Variants in SEC24B observed in about 807,000 individuals in gnomAD.
SEC24B encodes SEC24 homolog B, COPII component.
A neutral mutation model predicts 142.8 loss-of-function variants in SEC24B; 45 were observed. The ratio of observed to expected loss-of-function variants is 0.32; its 90% CI spans 0.25 to 0.40. The LOEUF (loss-of-function observed/expected upper bound fraction) is 0.40, where lower values mean the gene tolerates loss of function less well. Among genes scored for constraint, SEC24B ranks in the 10% least tolerant of loss-of-function variants. The pLI is 1.00. For synonymous variants in SEC24B, 574 were observed against 568.2 expected (o/e 1.01, Z -0.15); for missense variants, 1,409 against 1,526.8 (o/e 0.92, Z 1.29).
rs528655150 is a variant in SEC24B at position 109,448,098 on chromosome 4, G to A, written c.133+14096G>A. Among the ~76,000 whole-genome samples, 5 of 152,240 alleles carry A rather than the reference G, an allele frequency of 3.3e-5. No homozygotes were observed. In the South Asian group the frequency reaches 6.2e-4, roughly 19 times the overall value. On this transcript the variant is annotated intron_variant, in intron 1 of 23. Coordinates refer to ENST00000265175, the MANE Select transcript of SEC24B (RefSeq NM_006323.5). Reference sequence around the variant, plus strand: ...TTGTGATTATATTGGTCTCACCTGGGTAATCAAGAATCTATTTTAAGGTCA... The same window carrying A: ...TTGTGATTATATTGGTCTCACCTGGATAATCAAGAATCTATTTTAAGGTCA...
chr4:109,497,697 T>G (rs533190165), intron 6 of SEC24B, among the ~76,000 whole-genome samples: 1 of 152,314 alleles, frequency 6.6e-6, no homozygotes, highest in Non-Finnish European at 1.5e-5. Context: ...TAGACCAGTT[T>G]GTTTATTTGT....
intron 1 of SEC24B, among the ~76,000 whole-genome samples, chr4:109,457,126 A>T (rs1509315): frequency 0.17 from 26,586 of 152,206 alleles, 2,625 homozygotes; most frequent in African/African-American, 0.27. Context: ...ATTTTCCCCA[A>T]AGAGTTTCTG....
At chr4:109,495,259 C>T (rs1382563941) in intron 6 of SEC24B, among the ~76,000 whole-genome samples, 1 of 152,016 alleles carries the variant, frequency 6.6e-6, no homozygotes, top group African/African-American at 2.4e-5. Context: ...TGATTTGGTC[C>T]CTACCCTGCA....
chr4:109,509,879 T>G (rs1187089457), intron 7 of SEC24B, 130 bp from the exon 8 acceptor site: 1 of 534,474 alleles, frequency 1.9e-6, no homozygotes, highest in African/African-American at 2.0e-5. Flanking sequence ...AGGACCTTCT[T>G]GCTTACAGTT....
intron 3 of SEC24B, among the ~76,000 whole-genome samples, chr4:109,480,859 G>C (rs895730778): frequency 1.9e-4 from 29 of 152,128 alleles, no homozygotes; most frequent in Non-Finnish European, 3.1e-4. Context: ...CATTCTATCA[G>C]ATCAAATAAT....
chr4:109,520,802 A>G (rs1251078737), intron 12 of SEC24B, among the ~76,000 whole-genome samples: 1 of 152,052 alleles, frequency 6.6e-6, no homozygotes, highest in Non-Finnish European at 1.5e-5. Flanking sequence ...AGACCAGCCT[A>G]ACTAACATGG....
chr4:109,473,133 C>T lies in SEC24B; in HGVS notation c.1007C>T (p.Pro336Leu), dbSNP rs779755624. 16 of 1,597,580 alleles carry T rather than the reference C, an allele frequency of 1.0e-5. No individual in the cohort carries two copies. The highest frequency in any genetic ancestry group is 1.1e-5 in the Non-Finnish European group (13 of 1,172,220). Residue 336 changes from proline to leucine, a missense_variant, in exon 3 of 24, where the codon CCA becomes CTA. Coordinates refer to ENST00000265175, the MANE Select transcript of SEC24B (RefSeq NM_006323.5). ...AGAACACCTCCCACTGCAAATCACC[C>T]AGTTGAGCCTGTGACCTCAGTTACA... ...STRTPPTANH[P>L]VEPVTSVTQP...
chr4:109,517,667 G>A (rs952985521), intron 11 of SEC24B, among the ~76,000 whole-genome samples: 1 of 152,166 alleles, frequency 6.6e-6, no homozygotes, highest in East Asian at 1.9e-4. Flanking sequence ...CCATTCCACA[G>A]TGTAGATATA....
rs1554010568 is a variant in SEC24B at position 109,527,229 on chromosome 4, AAAAG to A, written c.2966-77_2966-74del. On this transcript the variant is annotated intron_variant, in intron 17 of 23. Coordinates refer to ENST00000265175, the MANE Select transcript of SEC24B (RefSeq NM_006323.5). ...GCAAGACTCCGTCTCAAAAAAAAAA[AAAAG>A]AAAGAAAGAAAGAAAAAAAGTATTT... The A allele has an allele frequency of 3.0e-4, 284 of 934,482 alleles. 1 individual carries two copies. Among genetic ancestry groups the A allele is most frequent in the Middle Eastern group, 1.1e-3 (5 of 4,392 alleles). The allele number at this position is 934,482 out of a possible 1,614,324, so 57.9% of individuals were successfully genotyped here.
At chr4:109,435,358 T>C (rs1217520843) in intron 1 of SEC24B, among the ~76,000 whole-genome samples, 1 of 152,258 alleles carries the variant, frequency 6.6e-6, no homozygotes, top group African/African-American at 2.4e-5. Flanking sequence ...GTGTTTGTTC[T>C]TGTAACCTTA....
chr4:109,440,154 C>T (rs1390770573), intron 1 of SEC24B, among the ~76,000 whole-genome samples: 1 of 151,864 alleles, frequency 6.6e-6, no homozygotes, highest in African/African-American at 2.4e-5. Context: ...GTATTCACTC[C>T]ATATGTAAAC....
chr4:109,475,398 C>T (rs1733005068), intron 3 of SEC24B, among the ~76,000 whole-genome samples: 1 of 152,198 alleles, frequency 6.6e-6, no homozygotes. Context: ...CTGATATGAA[C>T]TACTAAAGTG....
Position 109,494,660 on chromosome 4 carries a change from CT to C in SEC24B, c.1293del (p.Glu432AsnfsTer70). ...SASSPAPDPA[P>X]EPDPASAPAP... ...AGCAGTCCTGCTCCTGATCCCGCCC[CT>C]GAACCTGATCCTGCTTCTGCTCCAG... On this transcript the variant is annotated frameshift_variant, in exon 6 of 24. Transcript: ENST00000265175. LOFTEE classifies it high-confidence loss of function. 1 of 1,614,148 alleles carries C rather than the reference CT, an allele frequency of 6.2e-7. No individual in the cohort carries two copies. The highest frequency in any genetic ancestry group is 8.5e-7 in the Non-Finnish European group (1 of 1,180,016).
intron 4 of SEC24B, among the ~76,000 whole-genome samples, chr4:109,483,551 G>GT (rs34472401): frequency 0.17 from 26,525 of 151,990 alleles, 2,601 homozygotes; most frequent in African/African-American, 0.27. Context: ...TCAACCTATA[G>GT]TTTAAGACTG....
intron 8 of SEC24B, among the ~76,000 whole-genome samples, chr4:109,510,342 G>A (rs1401745075): frequency 6.6e-6 from 1 of 152,160 alleles, no homozygotes; most frequent in Non-Finnish European, 1.5e-5. Flanking sequence ...CCTCCAAAAA[G>A]TTCTTATCTA....
chr4:109,454,890 A>C (rs1730502122), intron 1 of SEC24B, among the ~76,000 whole-genome samples: 1 of 152,244 alleles, frequency 6.6e-6, no homozygotes, highest in Non-Finnish European at 1.5e-5. Context: ...AGAAAGAAAG[A>C]ATGTGTGCTC....
rs1196701325 is a variant in SEC24B at position 109,456,325 on chromosome 4, G to GTT, written c.134-6569_134-6568dup. ...CATGTCATTCTGCAAATAAAGACAG[G>GTT]TTTTTTTTGTTTTTTTTTTTTTTTT... On this transcript the variant is annotated intron_variant, in intron 1 of 23. Transcript: ENST00000265175. Among the ~76,000 whole-genome samples, 128 of 92,084 alleles carry GTT rather than the reference G, an allele frequency of 1.4e-3. 1 individual carries two copies. Among genetic ancestry groups the GTT allele is most frequent in the Admixed American group, 1.9e-3 (18 of 9,444 alleles). 60.4% of individuals were successfully genotyped at this position (92,084 alleles called of 152,430 possible).
At chr4:109,481,535 A>G (rs769433030) in intron 3 of SEC24B, 142 bp from the exon 4 acceptor site, 16 of 609,176 alleles carry the variant, frequency 2.6e-5, no homozygotes, top group Non-Finnish European at 4.6e-5. Flanking sequence ...AGTTTTGATA[A>G]TGAATTTGCT....
intron 9 of SEC24B, among the ~76,000 whole-genome samples, chr4:109,512,663 A>AT (rs1017081723): frequency 1.4e-4 from 20 of 145,624 alleles, no homozygotes; most frequent in South Asian, 2.2e-4. Context: ...TTTTTTTTTA[A>AT]TTTTTTTTTT....
Sources: allele counts gnomAD v4.1 joint callset (sites outside exome capture counted in the v4.1 genomes callset), GRCh38; gene constraint gnomAD v4.1.1; transcripts MANE v1.5; gene names NCBI Gene and HGNC (gene_info 2026-07-23, HGNC 2026-07-21).